Variants in ELMO1 observed in about 807,000 individuals in gnomAD.
The protein encoded by ELMO1 is engulfment and cell motility protein 1.
ELMO1 carries 26 observed loss-of-function variants against 98.9 expected under a neutral mutation model. The ratio of observed to expected loss-of-function variants is 0.26; its 90% CI spans 0.19 to 0.36. ELMO1 has a LOEUF of 0.36. Among genes scored for constraint, ELMO1 ranks in the 10% least tolerant of loss-of-function variants. ELMO1 has a pLI of 1.00. For missense variants in ELMO1, 627 were observed against 935.2 expected (o/e 0.67, Z 4.30); for synonymous variants, 346 against 346.0 (o/e 1.00, Z 0.00).
chr7:37,050,192 C>T (rs971861167), intron 15 of ELMO1, among the ~76,000 whole-genome samples: 3 of 152,124 alleles, frequency 2.0e-5, no homozygotes, highest in Admixed American at 6.6e-5. Context: ...AATTCTGGTG[C>T]CCCAACCTCC....
chr7:37,050,078 C>A (rs926188818), intron 15 of ELMO1, among the ~76,000 whole-genome samples: 1 of 151,998 alleles, frequency 6.6e-6, no homozygotes, highest in African/African-American at 2.4e-5. Flanking sequence ...CCGCGCCCAG[C>A]CTTTTTTGTT....
intron 15 of ELMO1, among the ~76,000 whole-genome samples, chr7:37,048,211 C>G (rs1332675496): frequency 6.6e-6 from 1 of 152,154 alleles, no homozygotes; most frequent in African/African-American, 2.4e-5. Flanking sequence ...CCAGTAGCAC[C>G]CCCACAAGTT....
intron 14 of ELMO1, among the ~76,000 whole-genome samples, chr7:37,131,909 A>T (rs1786945936): frequency 6.6e-6 from 1 of 152,216 alleles, no homozygotes; most frequent in East Asian, 1.9e-4. Context: ...GAACTCAGTG[A>T]TCTGGCATGG....
At chr7:37,086,329 A>ACT (rs564724107) in intron 15 of ELMO1, among the ~76,000 whole-genome samples, 221 of 108,752 alleles carry the variant, frequency 2.0e-3, no homozygotes, top group African/African-American at 8.4e-3. Flanking sequence ...ACAATACATG[A>ACT]CTGTGTGTGT....
chr7:36,861,665 C>T lies in ELMO1; in HGVS notation c.1977G>A (p.Lys659=). 6.2e-7 allele frequency: 1 copy of T among 1,612,968 alleles called. No individual in the cohort carries two copies. Among genetic ancestry groups the T allele is most frequent in the Non-Finnish European group, 8.5e-7 (1 of 1,179,728 alleles). The change falls in exon 21 of 22, where the codon AAG becomes AAA. Residue 659 remains lysine (K), a synonymous_variant. Transcript: ENST00000310758. ...NCQLNFIAPD[K]HEYCIWTDGL... is the part of the protein sequence containing the mutation. ...TCACCCCCGAGACCCTTACCTCATG[C>T]TTGTCAGGAGCGATGAAGTTCAGTT...
At chr7:36,968,929 A>C (rs771616691) in intron 16 of ELMO1, among the ~76,000 whole-genome samples, 46 of 152,110 alleles carry the variant, frequency 3.0e-4, no homozygotes, top group Non-Finnish European at 4.9e-4. Flanking sequence ...ATATCCCATA[A>C]GTTTTGGCAT....
At chr7:37,444,366 C>T (rs1019115343) in intron 1 of ELMO1, among the ~76,000 whole-genome samples, 1 of 152,152 alleles carries the variant, frequency 6.6e-6, no homozygotes, top group Admixed American at 6.5e-5. Context: ...GATAGTCTGT[C>T]GATTTTATTC....
intron 18 of ELMO1, among the ~76,000 whole-genome samples, chr7:36,885,142 C>T (rs1314980504): frequency 6.6e-6 from 1 of 152,128 alleles, no homozygotes; most frequent in Non-Finnish European, 1.5e-5. Flanking sequence ...TTACCAAATA[C>T]CAAAAAGCCT....
intron 14 of ELMO1, among the ~76,000 whole-genome samples, chr7:37,115,753 G>GAAA (rs200879941): frequency 1.8e-5 from 2 of 108,754 alleles, no homozygotes; most frequent in Non-Finnish European, 2.0e-5. Context: ...AGTGCAATAA[G>GAAA]AAAAAAAAAA....
chr7:37,163,588 C>T (rs1377088476), intron 13 of ELMO1, among the ~76,000 whole-genome samples: 2 of 151,318 alleles, frequency 1.3e-5, no homozygotes, highest in Non-Finnish European at 2.9e-5. Context: ...TGAGAATATG[C>T]GGTGTTTGGT....
At chr7:36,929,485 C>T (rs1289319974) in intron 16 of ELMO1, among the ~76,000 whole-genome samples, 1 of 152,176 alleles carries the variant, frequency 6.6e-6, no homozygotes, top group African/African-American at 2.4e-5. Context: ...TTTCTCTAAG[C>T]TGAGATTAAA....
chr7:36,912,275 G>T (rs992980918), intron 16 of ELMO1, among the ~76,000 whole-genome samples: 1 of 152,176 alleles, frequency 6.6e-6, no homozygotes, highest in Non-Finnish European at 1.5e-5. Flanking sequence ...ACTATAGAGG[G>T]TTTGTCAGTG....
intron 19 of ELMO1, among the ~76,000 whole-genome samples, chr7:36,876,095 C>T (rs759678253): frequency 3.3e-5 from 5 of 152,152 alleles, no homozygotes; most frequent in Non-Finnish European, 5.9e-5. Context: ...TTGCTTCAAC[C>T]AACAATAACC....
At chr7:36,893,828 A>T (rs1456480768) in intron 17 of ELMO1, among the ~76,000 whole-genome samples, 1 of 152,118 alleles carries the variant, frequency 6.6e-6, no homozygotes, top group Non-Finnish European at 1.5e-5. Flanking sequence ...TCTCACAGGG[A>T]CGTAAAGAAA....
At chr7:37,193,379 G>A (rs1352441101) in intron 13 of ELMO1, among the ~76,000 whole-genome samples, 1 of 152,106 alleles carries the variant, frequency 6.6e-6, no homozygotes, top group Non-Finnish European at 1.5e-5. Context: ...TCTCCTTTAA[G>A]ATGGAGGTAA....
chr7:37,216,244 T>C (rs188038148), intron 11 of ELMO1, among the ~76,000 whole-genome samples: 1 of 152,142 alleles, frequency 6.6e-6, no homozygotes, highest in Admixed American at 6.5e-5. Context: ...CCAAAACTGA[T>C]GTTCAACATC....
At chr7:37,192,297 C>G (rs1791634911) in intron 13 of ELMO1, among the ~76,000 whole-genome samples, 1 of 151,106 alleles carries the variant, frequency 6.6e-6, no homozygotes, top group South Asian at 2.1e-4. Flanking sequence ...GAGATCGAGA[C>G]CATCTTGGTC....
intron 4 of ELMO1, among the ~76,000 whole-genome samples, chr7:37,277,473 G>C (rs1796906436): frequency 6.6e-6 from 1 of 152,208 alleles, no homozygotes; most frequent in Non-Finnish European, 1.5e-5. Flanking sequence ...CTTAGAGCTG[G>C]AGATGCAGGA....
chr7:37,121,981 C>A (rs1248193348), intron 14 of ELMO1, among the ~76,000 whole-genome samples: 2 of 152,172 alleles, frequency 1.3e-5, no homozygotes, highest in Non-Finnish European at 2.9e-5. Flanking sequence ...AGCCAATATT[C>A]AACATTCTTA....
Sources: allele counts gnomAD v4.1 joint callset (sites outside exome capture counted in the v4.1 genomes callset), GRCh38; gene constraint gnomAD v4.1.1; transcripts MANE v1.5; gene names NCBI Gene and HGNC (gene_info 2026-07-23, HGNC 2026-07-21).